Variants in KCNH7 observed in about 807,000 individuals in gnomAD.
KCNH7 encodes voltage-gated inwardly rectifying potassium channel KCNH7.
Under a neutral mutation model 120.8 loss-of-function variants are expected in KCNH7, and 49 were observed. The observed-to-expected ratio is 0.41, with a 90% CI of 0.32 to 0.51. The LOEUF (loss-of-function observed/expected upper bound fraction) is 0.51, where lower values mean the gene tolerates loss of function less well. Among genes scored for constraint, KCNH7 ranks in the 20% least tolerant of loss-of-function variants. The pLI is 0.38. For synonymous variants in KCNH7, 547 were observed against 516.1 expected, an observed-to-expected ratio of 1.06 and a Z score of -0.81; for missense variants, 1,097 against 1,446.6, an observed-to-expected ratio of 0.76 and a Z score of 3.92.
At chr2:162,773,278 A>G (rs567687855) in intron 2 of KCNH7, among the ~76,000 whole-genome samples, 13 of 152,310 alleles carry the variant, frequency 8.5e-5, no homozygotes, top group African/African-American at 2.9e-4. Flanking sequence ...ACTTGAGGCC[A>G]AGAGTTCGAG....
intron 2 of KCNH7, among the ~76,000 whole-genome samples, chr2:162,682,204 T>C (rs1430068828): frequency 6.6e-6 from 1 of 151,704 alleles, no homozygotes; most frequent in Non-Finnish European, 1.5e-5. Context: ...CATCCATTCA[T>C]TGAAAAAAAT....
At chr2:162,760,387 T>G (rs1361544399) in intron 2 of KCNH7, among the ~76,000 whole-genome samples, 1 of 152,092 alleles carries the variant, frequency 6.6e-6, no homozygotes. Context: ...CTCCTTGCAT[T>G]TGAAAAAAAT....
Position 162,446,036 on chromosome 2 carries a change from A to T in KCNH7, c.1536T>A (p.Phe512Leu). 6.2e-7 allele frequency: 1 copy of T among 1,613,010 alleles called. No individual in the cohort carries two copies. Among genetic ancestry groups the T allele is most frequent in the South Asian group, 1.1e-5 (1 of 90,948 alleles). The change falls in exon 7 of 16, where the codon TTT becomes TTA. Residue 512 changes from phenylalanine (F) to leucine (L), a missense_variant. By Grantham distance (22) the Phe-to-Leu change is conservative (BLOSUM62 0). Around this residue, in one of 8 missense-constraint regions of KCNH7, gnomAD observed 109 missense variants for 196.8 expected, o/e 0.55. Coordinates refer to ENST00000332142, the MANE Select transcript of KCNH7 (RefSeq NM_033272.4). ...VAAIPFDLLI[F>L]GSGSDETTTL... ...TTCTTACCTCATCAGAACCTGATCC[A>T]AAAATCAGCAAGTCAAAAGGAATTG...
chr2:162,647,264 C>A (rs563321411), intron 2 of KCNH7, among the ~76,000 whole-genome samples: 1 of 152,024 alleles, frequency 6.6e-6, no homozygotes, highest in African/African-American at 2.4e-5. Flanking sequence ...AGGGCTCTGA[C>A]GTGTTTTTTT....
In KCNH7 at chr2:162,722,121, G is replaced by C. The variant is rs866793876; in HGVS notation, c.307+114416C>G. ...CTAAGGGAACATAAGCACACGGGATGAAAGAAACATATAGACACTTTTTAC... is the reference window on the plus strand; with the variant it reads ...CTAAGGGAACATAAGCACACGGGATCAAAGAAACATATAGACACTTTTTAC... On this transcript the variant is annotated intron_variant, in intron 2 of 15. Coordinates refer to ENST00000332142, the MANE Select transcript of KCNH7 (RefSeq NM_033272.4). Among the ~76,000 whole-genome samples, 18 of 152,040 alleles carry C rather than the reference G, an allele frequency of 1.2e-4. 1 individual carries two copies. In the Middle Eastern group the frequency reaches 0.02, roughly 172 times the overall value.
intron 2 of KCNH7, among the ~76,000 whole-genome samples, chr2:162,735,693 C>A (rs923852299): frequency 3.9e-5 from 6 of 152,152 alleles, no homozygotes; most frequent in Non-Finnish European, 8.8e-5. Context: ...CTTCTGCTCA[C>A]AAAATTACCC....
At chr2:162,678,700 T>C (rs986080684) in intron 2 of KCNH7, among the ~76,000 whole-genome samples, 3 of 151,540 alleles carry the variant, frequency 2.0e-5, no homozygotes, top group African/African-American at 7.2e-5. Context: ...TTAACAGATT[T>C]GGATACATAT....
chr2:162,524,447 A>T (rs912456934), intron 3 of KCNH7, among the ~76,000 whole-genome samples: 1 of 152,012 alleles, frequency 6.6e-6, no homozygotes, highest in African/African-American at 2.4e-5. Context: ...CTCAGCCCTA[A>T]GGAAGATGTC....
intron 8 of KCNH7, among the ~76,000 whole-genome samples, chr2:162,434,120 A>G (rs1688161400): frequency 6.6e-6 from 1 of 152,164 alleles, no homozygotes; most frequent in South Asian, 2.1e-4. Context: ...TAAGTGAATT[A>G]ATACAGGAAC....
chr2:162,838,593 C>T lies in KCNH7; in HGVS notation c.-75G>A, dbSNP rs1685743349. The T allele has an allele frequency of 8.4e-7, 1 of 1,188,574 alleles. No homozygotes were observed. Among genetic ancestry groups the T allele is most frequent in the African/African-American group, 1.5e-5 (1 of 65,484 alleles). The allele number at this position is 1,188,574 out of a possible 1,614,324, so 73.6% of individuals were successfully genotyped here. A position where few individuals can be genotyped will look rare whatever the true frequency, so the allele number is the denominator to read the frequency against. ...CCGGGATCTCTCCTCGGCTAGAGCC[C>T]AGGCCAGCGCGCGAGCCGCTCTTTG... On this transcript the variant is annotated 5_prime_UTR_variant, in exon 1 of 16. Coordinates refer to ENST00000332142, the MANE Select transcript of KCNH7 (RefSeq NM_033272.4).
chr2:162,669,315 C>T (rs1477301868), intron 2 of KCNH7, among the ~76,000 whole-genome samples: 1 of 152,064 alleles, frequency 6.6e-6, no homozygotes, highest in Non-Finnish European at 1.5e-5. Flanking sequence ...AACTTAGATA[C>T]ATCACTGAAA....
chr2:162,732,272 C>T (rs2105393954), intron 2 of KCNH7, among the ~76,000 whole-genome samples: 1 of 152,224 alleles, frequency 6.6e-6, no homozygotes, highest in Middle Eastern at 3.4e-3. Flanking sequence ...GACGTGACAG[C>T]CTCTGATGCA....
At chr2:162,453,478 C>A (rs1417850992) in intron 6 of KCNH7, among the ~76,000 whole-genome samples, 1 of 152,134 alleles carries the variant, frequency 6.6e-6, no homozygotes, top group Non-Finnish European at 1.5e-5. Context: ...GGGATATACC[C>A]AGTAATGGGA....
rs1690078865 is a variant in KCNH7, at chr2:162,485,867, A to C, written c.1128+18576T>G. On this transcript the variant is annotated intron_variant, in intron 6 of 15. Transcript: ENST00000332142. Reference sequence around the variant, plus strand: ...AGCTGCCAGTCAACCAGGAAAGAGCAGTATAGAGCAATATTTTTCTCTATT... The same window carrying C: ...AGCTGCCAGTCAACCAGGAAAGAGCCGTATAGAGCAATATTTTTCTCTATT... Among the ~76,000 whole-genome samples the C allele has an allele frequency of 2.0e-5, 3 of 152,216 alleles. No homozygotes were observed. The South Asian group carries it at 6.2e-4, about 32-fold the overall frequency.
intron 2 of KCNH7, among the ~76,000 whole-genome samples, chr2:162,647,931 G>A (rs142909451): frequency 1.3e-5 from 2 of 152,224 alleles, no homozygotes; most frequent in African/African-American, 4.8e-5. Flanking sequence ...AACAATTATT[G>A]AATTAATGAT....
chr2:162,400,096 A>G (rs1687028013), intron 10 of KCNH7, 93 bp downstream of exon 10: 1 of 1,352,798 alleles, frequency 7.4e-7, no homozygotes. Context: ...GTTCTTATGA[A>G]TACATACATC....
At chr2:162,820,142 C>A (rs1356169568) in intron 2 of KCNH7, among the ~76,000 whole-genome samples, 1 of 149,720 alleles carries the variant, frequency 6.7e-6, no homozygotes, top group African/African-American at 2.5e-5. Context: ...TGGGTTCACG[C>A]CATTCTCCTG....
At chr2:162,462,177 G>A (rs1414220428) in intron 6 of KCNH7, among the ~76,000 whole-genome samples, 9 of 152,056 alleles carry the variant, frequency 5.9e-5, no homozygotes, top group African/African-American at 9.6e-5. Flanking sequence ...ATTAATGTAC[G>A]TTAAGGAAAA....
intron 2 of KCNH7, among the ~76,000 whole-genome samples, chr2:162,751,163 A>T (rs1201614451): frequency 1.3e-5 from 2 of 152,186 alleles, no homozygotes; most frequent in African/African-American, 4.8e-5. Context: ...ATAACATTAT[A>T]TTTAACCTTT....
Sources: gnomAD v4.1 joint callset for allele counts (sites outside exome capture counted in the v4.1 genomes callset) on GRCh38, gnomAD v4.1.1 for gene constraint, gnomAD v4.1.1 regional missense constraint, MANE v1.5 for transcripts, NCBI Gene and HGNC (gene_info 2026-07-23, HGNC 2026-07-21) for gene names.